SLC27A2: variants seen among roughly 807,000 people sequenced by gnomAD.
The protein encoded by SLC27A2 is solute carrier family 27 member 2.
In SLC27A2, 54 loss-of-function variants were observed where a neutral mutation model predicts 60.0. That is an observed-to-expected ratio of 0.90 (90% CI 0.72 to 1.13). The LOEUF (loss-of-function observed/expected upper bound fraction) is 1.13. Among genes scored for constraint, SLC27A2 ranks in the 50% most tolerant of loss-of-function variants. The pLI is 0.00. For missense variants in SLC27A2, 739 were observed against 777.6 expected (o/e 0.95, Z 0.59); for synonymous variants, 297 against 297.6 (o/e 1.00, Z 0.02).
intron 1 of SLC27A2, 23 bp from the exon 2 acceptor site, chr15:50,197,477 G>A (rs1210038133): frequency 6.4e-7 from 1 of 1,572,262 alleles, no homozygotes; most frequent in Non-Finnish European, 8.7e-7. Flanking sequence ...AGTTTGTTTT[G>A]ATATTTTTCT....
intron 2 of SLC27A2, among the ~76,000 whole-genome samples, chr15:50,199,212 A>C (rs1357461323): frequency 6.6e-6 from 1 of 152,174 alleles, no homozygotes; most frequent in Non-Finnish European, 1.5e-5. Flanking sequence ...TTTCACAGTC[A>C]AATAGAAAAC....
intron 4 of SLC27A2, among the ~76,000 whole-genome samples, chr15:50,215,760 A>G (rs1346298865): frequency 6.6e-6 from 1 of 152,170 alleles, no homozygotes; most frequent in Non-Finnish European, 1.5e-5. Context: ...TTGCCAAGCC[A>G]TGTGTAGAAT....
rs1298784658 is a variant in SLC27A2, at chr15:50,236,091, C to T, written c.1858C>T (p.Leu620Phe). 1 of 1,587,780 alleles carries T rather than the reference C, an allele frequency of 6.3e-7. No individual in the cohort carries two copies. The highest frequency in any genetic ancestry group is 8.6e-7 in the Non-Finnish European group (1 of 1,162,906). Residue 620 changes from leucine (L) to phenylalanine (F), a missense_variant, in exon 10 of 10, where the codon CTC becomes TTC. Transcript: ENST00000267842. ...TGCCATAAGTGCTAAAACCCTGAAA[C>T]TCTGAATATTCCCAGGAGGATAACT... ...YNAISAKTLKL is the reference protein window; with the variant it reads ...YNAISAKTLKF
chr15:50,231,692 G>C (rs1488710247), intron 8 of SLC27A2, among the ~76,000 whole-genome samples: 2 of 152,258 alleles, frequency 1.3e-5, no homozygotes, highest in Middle Eastern at 6.8e-3. Context: ...TGAATCTAAT[G>C]ATCAGTGAGT....
intron 8 of SLC27A2, among the ~76,000 whole-genome samples, chr15:50,231,708 G>A (rs1190407858): frequency 6.6e-6 from 1 of 152,044 alleles, no homozygotes; most frequent in African/African-American, 2.4e-5. Context: ...TGAGTTCTGG[G>A]AGCCACTGAA....
intron 4 of SLC27A2, among the ~76,000 whole-genome samples, chr15:50,218,659 T>C (rs1432806119): frequency 3.3e-5 from 5 of 152,028 alleles, no homozygotes; most frequent in Admixed American, 1.3e-4. Flanking sequence ...CACTCAGATA[T>C]ACAATATTCA....
intron 1 of SLC27A2, among the ~76,000 whole-genome samples, chr15:50,195,272 C>T (rs1263380884): frequency 2.0e-5 from 3 of 149,308 alleles, no homozygotes; most frequent in Non-Finnish European, 4.4e-5. Context: ...CGAGACCATC[C>T]TGGCTAACAC....
At chr15:50,219,424 T>C (rs888970368) in intron 4 of SLC27A2, among the ~76,000 whole-genome samples, 6 of 152,070 alleles carry the variant, frequency 3.9e-5, no homozygotes, top group Non-Finnish European at 5.9e-5. Flanking sequence ...TCTTTGTTGC[T>C]TTTTTTCCTT....
At chr15:50,194,456 T>C (rs773640545) in intron 1 of SLC27A2, among the ~76,000 whole-genome samples, 18 of 151,894 alleles carry the variant, frequency 1.2e-4, no homozygotes, top group African/African-American at 1.7e-4. Flanking sequence ...GAGTAGGAGA[T>C]GACACAGAAA....
chr15:50,222,923 A>T, intron 4 of SLC27A2, 42 bp from the exon 5 acceptor site: 1 of 1,473,448 alleles, frequency 6.8e-7, no homozygotes, highest in Non-Finnish European at 9.3e-7. Flanking sequence ...CATAGGCTCC[A>T]GAGATGTTTC....
intron 4 of SLC27A2, among the ~76,000 whole-genome samples, chr15:50,220,507 A>G (rs1051963862): frequency 1.3e-5 from 2 of 152,242 alleles, no homozygotes; most frequent in African/African-American, 4.8e-5. Flanking sequence ...GGCGGGCTGC[A>G]TGTGGGATAA....
Position 50,229,016 on chromosome 15 carries a change from T to C in SLC27A2, c.1529T>C (p.Val510Ala), listed in dbSNP as rs1029614762. The C allele has an allele frequency of 8.1e-6, 13 of 1,612,788 alleles. No individual in the cohort carries two copies. The highest frequency in any genetic ancestry group is 1.3e-5 in the African/African-American group (1 of 75,036). Reference protein sequence around the residue: ...TVGLVDFVQEVNVYGVHVPDH... With the variant: ...TVGLVDFVQEANVYGVHVPDH... Reference sequence around the variant, plus strand: ...GGACTGGTTGATTTTGTCCAAGAAGTAAATGTTTATGGAGTGCATGTGCCA... The same window carrying C: ...GGACTGGTTGATTTTGTCCAAGAAGCAAATGTTTATGGAGTGCATGTGCCA... The change falls in exon 8 of 10, where the codon GTA becomes GCA. Residue 510 changes from valine (V) to alanine (A), a missense_variant. Physicochemically the swap from Val to Ala is moderately conservative, Grantham distance 64 (BLOSUM62 0). Coordinates refer to ENST00000267842, the MANE Select transcript of SLC27A2 (RefSeq NM_003645.4).
chr15:50,236,107 G>T lies in SLC27A2; in HGVS notation c.*11G>T. ...ACCCTGAAACTCTGAATATTCCCAG[G>T]AGGATAACTCAACATTTCCAGAAAG... On this transcript the variant is annotated 3_prime_UTR_variant, in exon 10 of 10. Transcript: ENST00000267842. 6.4e-7 allele frequency: 1 copy of T among 1,556,614 alleles called. No homozygotes were observed. The highest frequency in any genetic ancestry group is 8.7e-7 in the Non-Finnish European group (1 of 1,144,024).
At chr15:50,208,914 A>G (rs1185807479) in intron 4 of SLC27A2, among the ~76,000 whole-genome samples, 1 of 152,190 alleles carries the variant, frequency 6.6e-6, no homozygotes, top group Admixed American at 6.5e-5. Context: ...CCTAAAAACA[A>G]TGTCATCTAG....
intron 5 of SLC27A2, among the ~76,000 whole-genome samples, chr15:50,223,797 T>C (rs2045260968): frequency 6.6e-6 from 1 of 152,244 alleles, no homozygotes. Context: ...TCTGCAAATA[T>C]CCAGAAATGT....
At chr15:50,191,186 A>T (rs1306439715) in intron 1 of SLC27A2, 4 of 152,242 alleles carry the variant, frequency 2.6e-5, no homozygotes, top group Admixed American at 1.3e-4. Context: ...GAAGTGATGT[A>T]TGTAAAACTA....
rs139180707 is a variant in SLC27A2 at position 50,236,296 on chromosome 15, C to T, written c.*200C>T. ...AGAGATTATTATTTTTCAGTGTGCA[C>T]CTACTGTTTGTATTTGCAAACTGAG... On this transcript the variant is annotated 3_prime_UTR_variant, in exon 10 of 10. Coordinates refer to ENST00000267842, the MANE Select transcript of SLC27A2 (RefSeq NM_003645.4). 2 of 432,780 alleles carry T rather than the reference C, an allele frequency of 4.6e-6. No homozygotes were observed. The highest frequency in any genetic ancestry group is 8.0e-6 in the Non-Finnish European group (2 of 248,552). The allele number at this position is 432,780 out of a possible 1,614,324, so 26.8% of individuals were successfully genotyped here. A position where few individuals can be genotyped will look rare whatever the true frequency, so the allele number is the denominator to read the frequency against.
intron 9 of SLC27A2, among the ~76,000 whole-genome samples, chr15:50,235,262 T>C (rs2045343615): frequency 6.6e-6 from 1 of 152,208 alleles, no homozygotes; most frequent in Non-Finnish European, 1.5e-5. Context: ...TCCTCAGATA[T>C]TTTGATTAAC....
intron 2 of SLC27A2, among the ~76,000 whole-genome samples, chr15:50,197,986 G>A (rs951835004): frequency 6.6e-6 from 1 of 152,102 alleles, no homozygotes; most frequent in Non-Finnish European, 1.5e-5. Flanking sequence ...ATTTGGCACT[G>A]AATGGGTAGT....
Sources: gnomAD v4.1 joint callset for allele counts (sites outside exome capture counted in the v4.1 genomes callset) on GRCh38, gnomAD v4.1.1 for gene constraint, MANE v1.5 for transcripts, NCBI Gene and HGNC (gene_info 2026-07-23, HGNC 2026-07-21) for gene names.